The following TMEM45A variants were observed in gnomAD, a reference collection of about 807,000 sequenced individuals.
TMEM45A encodes DNA polymerase-transactivated protein 4.
A neutral mutation model predicts 32.0 loss-of-function variants in TMEM45A; 25 were observed. That is an observed-to-expected ratio of 0.78 (90% CI 0.57 to 1.09). TMEM45A has a LOEUF of 1.09. TMEM45A is among the 50% of genes least tolerant of loss of function. TMEM45A has a pLI of 0.00. For missense variants in TMEM45A, 302 were observed against 325.0 expected, an observed-to-expected ratio of 0.93 and a Z score of 0.54; for synonymous variants, 122 against 114.8, an observed-to-expected ratio of 1.06 and a Z score of -0.40.
chr3:100,571,035 A>G (rs375977492), intron 5 of TMEM45A: 3 of 152,074 alleles, frequency 2.0e-5, no homozygotes, highest in South Asian at 2.1e-4. Flanking sequence ...TGTAGCAACT[A>G]TGCGGTTTAC....
chr3:100,517,305 A>T (rs940021462), intron 1 of TMEM45A, among the ~76,000 whole-genome samples: 1 of 152,094 alleles, frequency 6.6e-6, no homozygotes, highest in Non-Finnish European at 1.5e-5. Flanking sequence ...TTTAGTAGAG[A>T]CAGGGTTTCG....
intron 1 of TMEM45A, among the ~76,000 whole-genome samples, chr3:100,517,110 T>TTTTTCTTTTC (rs60770063): frequency 2.7e-5 from 4 of 150,852 alleles, no homozygotes; most frequent in Middle Eastern, 3.4e-3. Context: ...GGGAATGAAA[T>TTTTTCTTTTC]TTTTCTTTTC....
At chr3:100,550,812 C>T (rs1487025697) in intron 1 of TMEM45A, among the ~76,000 whole-genome samples, 3 of 151,886 alleles carry the variant, frequency 2.0e-5, no homozygotes, top group Non-Finnish European at 4.4e-5. Flanking sequence ...GTGTTTACGC[C>T]GGGGGGTGTT....
rs150554942 is a variant in TMEM45A at position 100,561,159 on chromosome 3, C to T, written c.588+2570C>T. 1.4e-3 allele frequency among the ~76,000 whole-genome samples: 214 copies of T among 152,264 alleles called. 2 individuals carry two copies. The East Asian group carries it at 0.038, about 27-fold the overall frequency. ...AGCCATAGTGACATTCCCACTACTG[C>T]ACCCCTCTGAAACAAAACTGTCTAG... On this transcript the variant is annotated intron_variant, in intron 4 of 5. Transcript: ENST00000323523.
intron 1 of TMEM45A, among the ~76,000 whole-genome samples, chr3:100,527,181 T>C (rs1705560095): frequency 6.6e-6 from 1 of 152,166 alleles, no homozygotes; most frequent in Admixed American, 6.5e-5. Flanking sequence ...CCAGAGTTAG[T>C]GCACAATAGA....
intron 1 of TMEM45A, among the ~76,000 whole-genome samples, chr3:100,513,451 A>C (rs1708203788): frequency 6.7e-6 from 1 of 150,078 alleles, no homozygotes; most frequent in African/African-American, 2.5e-5. Context: ...ACTCTCAATA[A>C]ATTAGGTATT....
chr3:100,523,216 T>A (rs1335900813), intron 1 of TMEM45A, among the ~76,000 whole-genome samples: 5 of 152,218 alleles, frequency 3.3e-5, no homozygotes, highest in African/African-American at 1.2e-4. Flanking sequence ...TCTGCTGATG[T>A]TGTCTGTTTG....
At chr3:100,517,686 C>T (rs1037424169) in intron 1 of TMEM45A, among the ~76,000 whole-genome samples, 1 of 152,166 alleles carries the variant, frequency 6.6e-6, no homozygotes, top group South Asian at 2.1e-4. Flanking sequence ...GGAAACAATT[C>T]TTGGAGGGCA....
intron 5 of TMEM45A, chr3:100,572,570 A>G (rs999846000): frequency 6.6e-6 from 1 of 151,638 alleles, no homozygotes; most frequent in Admixed American, 6.6e-5. Context: ...CTCTCATGGT[A>G]GTTTCTTTTG....
intron 4 of TMEM45A, among the ~76,000 whole-genome samples, chr3:100,564,905 C>A (rs751694437): frequency 2.6e-5 from 4 of 152,184 alleles, no homozygotes; most frequent in Non-Finnish European, 5.9e-5. Flanking sequence ...CCTCGTGGGA[C>A]CACCTTCCAT....
rs760826244 is a variant in TMEM45A at position 100,519,609 on chromosome 3, G to A, written c.-4+26681G>A. On this transcript the variant is annotated intron_variant, in intron 1 of 5. Coordinates refer to ENST00000323523, the MANE Select transcript of TMEM45A (RefSeq NM_018004.3). ...GAAAATGGGATTTAAACACCCAAAG[G>A]TTAGTTTGGCGTTTCTGCAGTAACC... The A allele has an allele frequency of 3.9e-6, 6 of 1,550,906 alleles. No homozygotes were observed. The East Asian group carries it at 1.5e-4, about 38-fold the overall frequency.
intron 1 of TMEM45A, among the ~76,000 whole-genome samples, chr3:100,531,038 T>G (rs1576273534): frequency 6.6e-6 from 1 of 152,334 alleles, no homozygotes; most frequent in East Asian, 1.9e-4. Flanking sequence ...TGTATCTTGT[T>G]GAGTTGTCTC....
chr3:100,513,903 G>C (rs1319294323), intron 1 of TMEM45A, among the ~76,000 whole-genome samples: 4 of 151,910 alleles, frequency 2.6e-5, no homozygotes, highest in Non-Finnish European at 5.9e-5. Context: ...AAAATACCTA[G>C]GAATCCAACT....
intron 4 of TMEM45A, among the ~76,000 whole-genome samples, chr3:100,563,146 A>C (rs1706368258): frequency 6.6e-6 from 1 of 152,236 alleles, no homozygotes; most frequent in South Asian, 2.1e-4. Context: ...GCCAACTGCC[A>C]GCCATCCTTG....
At chr3:100,533,297 C>A (rs916537292) in intron 1 of TMEM45A, among the ~76,000 whole-genome samples, 1 of 152,034 alleles carries the variant, frequency 6.6e-6, no homozygotes, top group Non-Finnish European at 1.5e-5. Context: ...TTAATAGGTT[C>A]TGGGTTGGGA....
At chr3:100,537,778 T>C (rs1278087645) in intron 1 of TMEM45A, among the ~76,000 whole-genome samples, 1 of 152,218 alleles carries the variant, frequency 6.6e-6, no homozygotes, top group Non-Finnish European at 1.5e-5. Context: ...ATAGCAACTC[T>C]CTCCTTTAGA....
chr3:100,575,363 C>CTTTTTTTTTTTT (rs59739893), intron 5 of TMEM45A, among the ~76,000 whole-genome samples: 11 of 62,706 alleles, frequency 1.8e-4, no homozygotes, highest in Non-Finnish European at 2.2e-4. Flanking sequence ...TATGGATTCT[C>CTTTTTTTTTTTT]TTTTTTTTTT....
chr3:100,525,217 G>A (rs1346126304), intron 1 of TMEM45A, among the ~76,000 whole-genome samples: 1 of 151,818 alleles, frequency 6.6e-6, no homozygotes, highest in Admixed American at 6.6e-5. Flanking sequence ...GAAAAAAATG[G>A]AATGCCAACT....
At chr3:100,546,298 CG>C (rs1234883377) in intron 1 of TMEM45A, among the ~76,000 whole-genome samples, 2 of 152,120 alleles carry the variant, frequency 1.3e-5, no homozygotes, top group Non-Finnish European at 2.9e-5. Flanking sequence ...ACCCATAGAA[CG>C]GTAATATAAT....
Sources: gnomAD v4.1 joint callset for allele counts (sites outside exome capture counted in the v4.1 genomes callset) on GRCh38, gnomAD v4.1.1 for gene constraint, MANE v1.5 for transcripts, NCBI Gene and HGNC (gene_info 2026-07-23, HGNC 2026-07-21) for gene names.